Variants in AFDN observed in about 807,000 individuals in gnomAD.
The protein encoded by AFDN is afadin, adherens junction formation factor.
A neutral mutation model predicts 216.6 loss-of-function variants in AFDN; 68 were observed. That is an observed-to-expected ratio of 0.31 (90% CI 0.26 to 0.38). AFDN has a LOEUF of 0.38. Among genes scored for constraint, AFDN ranks in the 10% least tolerant of loss-of-function variants. The probability of loss-of-function intolerance (pLI) is 1.00; values close to 1 mark genes in which losing one functional copy is unlikely to be tolerated. For missense variants in AFDN, 2,136 were observed against 2,342.0 expected (o/e 0.91, Z 1.82); for synonymous variants, 868 against 853.7 (o/e 1.02, Z -0.29).
intron 21 of AFDN, among the ~76,000 whole-genome samples, chr6:167,919,224 T>A (rs1791488362): frequency 6.6e-6 from 1 of 152,272 alleles, no homozygotes. Flanking sequence ...AACCGTTTAT[T>A]GTTCTCCCTT....
chr6:167,969,177 CA>C lies in AFDN; in HGVS notation c.5325del (p.Glu1776ArgfsTer21). On this transcript the variant is annotated frameshift_variant, in exon 33 of 34. Transcript: ENST00000683244. LOFTEE classifies it high-confidence loss of function. ...GGAGCCCATGACGCCTGTCGGGATG[CA>C]AAAGAGAAGCGCTCTAAAAGGTATG... ...AVGAHDACRD[A>X]KEKRSKSQDA... The C allele has an allele frequency of 6.2e-7, 1 of 1,613,860 alleles. No individual in the cohort carries two copies. The highest frequency in any genetic ancestry group is 2.2e-5 in the East Asian group (1 of 44,884).
chr6:167,881,147 C>T (rs1425665230), intron 6 of AFDN, among the ~76,000 whole-genome samples: 1 of 152,128 alleles, frequency 6.6e-6, no homozygotes, highest in Non-Finnish European at 1.5e-5. Context: ...AGCAGTGTTT[C>T]ATAGTATTCA....
intron 1 of AFDN, among the ~76,000 whole-genome samples, chr6:167,849,313 G>GT (rs1192530748): frequency 2.0e-5 from 3 of 152,012 alleles, no homozygotes. Flanking sequence ...AATGTAACTT[G>GT]TGGGGGGGGA....
intron 12 of AFDN, 145 bp from the exon 13 acceptor site, chr6:167,907,026 C>G: frequency 1.6e-6 from 1 of 626,474 alleles, no homozygotes; most frequent in Non-Finnish European, 2.8e-6. Flanking sequence ...CATAGTGTCC[C>G]CAGCATTGCT....
Position 167,914,558 on chromosome 6 carries a change from A to T in AFDN, c.2205-86A>T, listed in dbSNP as rs544205671. ...TTTTTAATGGAAAATATTTTTTAAG[A>T]GTCCAGATTGTTTCCCATGTGATAA... On this transcript the variant is annotated intron_variant, in intron 17 of 33. Transcript: ENST00000683244. The T allele has an allele frequency of 2.9e-6, 3 of 1,019,350 alleles. No homozygotes were observed. In the Admixed American group the frequency reaches 7.2e-5, roughly 25 times the overall value. The allele number at this position is 1,019,350 out of a possible 1,614,324, so 63.1% of individuals were successfully genotyped here. A position where few individuals can be genotyped will look rare whatever the true frequency, so the allele number is the denominator to read the frequency against.
chr6:167,902,968 C>T (rs1235548293), intron 12 of AFDN, among the ~76,000 whole-genome samples: 1 of 152,166 alleles, frequency 6.6e-6, no homozygotes, highest in Non-Finnish European at 1.5e-5. Flanking sequence ...GAAGCAGAGC[C>T]TTCATGTTTG....
intron 1 of AFDN, among the ~76,000 whole-genome samples, chr6:167,857,165 A>G (rs1782993840): frequency 6.6e-6 from 1 of 152,212 alleles, no homozygotes; most frequent in Non-Finnish European, 1.5e-5. Flanking sequence ...CGTAGGAACC[A>G]GTATGGCTTA....
chr6:167,958,916 T>C (rs925915884), intron 30 of AFDN, among the ~76,000 whole-genome samples: 1 of 152,218 alleles, frequency 6.6e-6, no homozygotes, highest in Admixed American at 6.5e-5. Flanking sequence ...AGAATGAAAA[T>C]GGGCCCTGCC....
chr6:167,971,152 A>G lies in AFDN; in HGVS notation c.*1217A>G, dbSNP rs1797994365. 4.5e-6 allele frequency: 1 copy of G among 222,046 alleles called. No individual in the cohort carries two copies. Among genetic ancestry groups the G allele is most frequent in the South Asian group, 1.8e-4 (1 of 5,442 alleles). The allele number at this position is 222,046 out of a possible 1,614,324, so 13.8% of individuals were successfully genotyped here. ...CTTTGTGATTACAAGCAAATTTTCT[A>G]TTTGACAAAGCCCTTGGTGGAGTCC... On this transcript the variant is annotated 3_prime_UTR_variant, in exon 34 of 34. Coordinates refer to ENST00000683244, the MANE Select transcript of AFDN (RefSeq NM_001386888.1).
intron 1 of AFDN, among the ~76,000 whole-genome samples, chr6:167,836,143 C>T (rs1385371370): frequency 6.6e-6 from 1 of 152,170 alleles, no homozygotes. Context: ...GAGTGATGAC[C>T]ATCAAGTTTT....
At chr6:167,916,941 A>T in intron 19 of AFDN, 148 bp from the exon 20 acceptor site, 1 of 671,308 alleles carries the variant, frequency 1.5e-6, no homozygotes, top group Non-Finnish European at 2.4e-6. Context: ...GTATATAGTT[A>T]CTGTAAATGG....
rs2128386672 is a variant in AFDN at position 167,898,331 on chromosome 6, A to G, written c.1444A>G (p.Met482Val). The G allele has an allele frequency of 6.2e-7, 1 of 1,614,174 alleles. No individual in the cohort carries two copies. Among genetic ancestry groups the G allele is most frequent in the East Asian group, 2.2e-5 (1 of 44,874 alleles). ...VEGQRISETT[M>V]LQSGMKVQFG... is the part of the protein sequence containing the mutation. ...AGGCCAGCGCATCTCAGAAACCACC[A>G]TGCTGCAGAGTGGCATGAAAGTGCA... The change falls in exon 11 of 34, where the codon ATG becomes GTG. Residue 482 changes from methionine (M) to valine (V), a missense_variant. Transcript: ENST00000683244.
intron 1 of AFDN, among the ~76,000 whole-genome samples, chr6:167,844,429 C>G (rs1314237545): frequency 6.6e-6 from 1 of 152,080 alleles, no homozygotes; most frequent in Non-Finnish European, 1.5e-5. Flanking sequence ...TTCTATAAAA[C>G]AAAAGTATGT....
In AFDN at chr6:167,952,013, A is replaced by C; in HGVS notation, c.4659A>C (p.Lys1553Asn). 8 of 1,614,144 alleles carry C rather than the reference A, an allele frequency of 5.0e-6. No homozygotes were observed. Among genetic ancestry groups the C allele is most frequent in the Non-Finnish European group, 5.9e-6 (7 of 1,180,008 alleles). ...LSKEIQELQSKPDRSAEESDR... is the reference protein window; with the variant it reads ...LSKEIQELQSNPDRSAEESDR... Reference sequence around the variant, plus strand: ...AGGAGATCCAGGAGCTCCAGAGCAAACCGGACCGCAGCGCCGAGGAGAGCG... The same window carrying C: ...AGGAGATCCAGGAGCTCCAGAGCAACCCGGACCGCAGCGCCGAGGAGAGCG... Residue 1553 changes from lysine to asparagine, a missense_variant, in exon 30 of 34, where the codon AAA becomes AAC. By Grantham distance (94) the Lys-to-Asn change is moderately conservative. Transcript: ENST00000683244.
intron 15 of AFDN, 110 bp downstream of exon 15, chr6:167,911,599 A>G (rs1790407409): frequency 1.1e-6 from 1 of 946,046 alleles, no homozygotes; most frequent in Non-Finnish European, 1.6e-6. Context: ...ATTTTTTTCT[A>G]AAATAAAAGT....
intron 1 of AFDN, among the ~76,000 whole-genome samples, chr6:167,851,926 T>A: frequency 6.6e-6 from 1 of 152,230 alleles, no homozygotes; most frequent in East Asian, 1.9e-4. Flanking sequence ...TTGGTAATTA[T>A]AACTGAATTA....
chr6:167,865,710 G>A (rs142357526), intron 2 of AFDN, among the ~76,000 whole-genome samples: 1 of 152,116 alleles, frequency 6.6e-6, no homozygotes, highest in Admixed American at 6.5e-5. Flanking sequence ...ACAGATTACA[G>A]TTGGTGCAGC....
At chr6:167,882,501 A>T (rs1786250834) in intron 6 of AFDN, among the ~76,000 whole-genome samples, 1 of 132,042 alleles carries the variant, frequency 7.6e-6, no homozygotes, top group African/African-American at 2.8e-5. Context: ...AAAAAAAAAA[A>T]TGAGCTGGGC....
Position 167,943,933 on chromosome 6 carries a change from TCTC to T in AFDN, c.3240-5_3240-3del, listed in dbSNP as rs757032621. ...GTCTTTCTTACATGTGTAATCTTCT[TCTC>T]CTAGGGCGGCAGAACTCATGACAAG... is the stretch of plus-strand genomic sequence containing the variant. On this transcript the variant is annotated splice_region_variant and splice_polypyrimidine_tract_variant and intron_variant, in intron 25 of 33. Coordinates refer to ENST00000683244, the MANE Select transcript of AFDN (RefSeq NM_001386888.1). 28 of 1,613,256 alleles carry T rather than the reference TCTC, an allele frequency of 1.7e-5. No individual in the cohort carries two copies. The highest frequency in any genetic ancestry group is 2.0e-5 in the Non-Finnish European group (23 of 1,179,348).
Sources: gnomAD v4.1 joint callset for allele counts (sites outside exome capture counted in the v4.1 genomes callset) on GRCh38, gnomAD v4.1.1 for gene constraint, MANE v1.5 for transcripts, NCBI Gene and HGNC (gene_info 2026-07-23, HGNC 2026-07-21) for gene names.